Variants in TYW1B observed in about 807,000 individuals in gnomAD.
TYW1B encodes S-adenosyl-L-methionine-dependent tRNA 4-demethylwyosine synthase TYW1B.
A neutral mutation model predicts 86.9 loss-of-function variants in TYW1B; 73 were observed. The observed-to-expected ratio is 0.84, with a 90% CI of 0.70 to 1.02. The LOEUF is 1.02. Among genes scored for constraint, TYW1B ranks in the 50% least tolerant of loss-of-function variants. The pLI is 0.00. For synonymous variants in TYW1B, 248 were observed against 292.8 expected (o/e 0.85, Z 1.56); for missense variants, 637 against 827.4 (o/e 0.77, Z 2.82).
At chr7:72,678,353 G>T (rs572433622) in intron 11 of TYW1B, among the ~76,000 whole-genome samples, 26 of 152,170 alleles carry the variant, frequency 1.7e-4, no homozygotes, top group Admixed American at 1.0e-3. Context: ...TTTGAGTGGA[G>T]TCCTGAAGGA....
chr7:72,600,909 C>A (rs1811650372), intron 13 of TYW1B, among the ~76,000 whole-genome samples: 1 of 151,900 alleles, frequency 6.6e-6, no homozygotes, highest in Non-Finnish European at 1.5e-5. Context: ...GTAATCCCAG[C>A]ACTTTGGAGG....
chr7:72,575,805 T>C (rs1811009531), intron 13 of TYW1B, 86 bp from the exon 14 acceptor site: 1 of 1,553,198 alleles, frequency 6.4e-7, no homozygotes, highest in African/African-American at 1.4e-5. Flanking sequence ...TGAACAAGTC[T>C]GATCTTTTCT....
At chr7:72,702,769 T>TGCAA (rs1172799216) in intron 10 of TYW1B, among the ~76,000 whole-genome samples, 1 of 152,092 alleles carries the variant, frequency 6.6e-6, no homozygotes, top group East Asian at 1.9e-4. Flanking sequence ...CTTGCTGAGA[T>TGCAA]GCAACCATTT....
intron 13 of TYW1B, among the ~76,000 whole-genome samples, chr7:72,613,320 A>G (rs1229050596): frequency 6.6e-6 from 1 of 151,972 alleles, no homozygotes; most frequent in African/African-American, 2.4e-5. Context: ...GCAAAGAAGA[A>G]TATCTGACAG....
intron 6 of TYW1B, among the ~76,000 whole-genome samples, chr7:72,794,058 C>T (rs1788265446): frequency 6.6e-6 from 1 of 152,206 alleles, no homozygotes; most frequent in Admixed American, 6.5e-5. Context: ...CAGCTACTTG[C>T]ATTAGCAAGT....
In TYW1B at chr7:72,731,555, C is replaced by T. The variant is rs1305883391; in HGVS notation, c.1083-2624G>A. Among the ~76,000 whole-genome samples, 4 of 151,988 alleles carry T rather than the reference C, an allele frequency of 2.6e-5. No homozygotes were observed. In the East Asian group the frequency reaches 7.7e-4, roughly 29 times the overall value. On this transcript the variant is annotated intron_variant, in intron 8 of 13. Coordinates refer to ENST00000620995, the MANE Select transcript of TYW1B (RefSeq NM_001145440.3). ...GCTGAATGAATTTAAAAAAAAACACCCAACTATTTGTTGCCTACAAGAAAC... is the reference window on the plus strand; with the variant it reads ...GCTGAATGAATTTAAAAAAAAACACTCAACTATTTGTTGCCTACAAGAAAC...
At chr7:72,700,699 C>T (rs1177612464) in intron 10 of TYW1B, among the ~76,000 whole-genome samples, 1 of 152,078 alleles carries the variant, frequency 6.6e-6, no homozygotes, top group Non-Finnish European at 1.5e-5. Context: ...CCTGAAGGTG[C>T]CCCATGGGTC....
chr7:72,737,023 G>A (rs782818519), intron 8 of TYW1B, among the ~76,000 whole-genome samples: 15 of 152,190 alleles, frequency 9.9e-5, no homozygotes, highest in South Asian at 2.1e-4. Context: ...GCGAGACTCC[G>A]TCTCAAAAGA....
At chr7:72,759,140 G>A (rs782239956) in intron 7 of TYW1B, among the ~76,000 whole-genome samples, 3 of 152,146 alleles carry the variant, frequency 2.0e-5, no homozygotes, top group Non-Finnish European at 4.4e-5. Context: ...AGACCAGCCT[G>A]AGCAACATGG....
intron 13 of TYW1B, 112 bp downstream of exon 13, chr7:72,616,560 A>G (rs1479242760): frequency 8.5e-6 from 13 of 1,524,270 alleles, no homozygotes; most frequent in African/African-American, 1.4e-5. Flanking sequence ...TGGGAAAGGT[A>G]GCAAGCACGC....
At chr7:72,765,471 G>C (rs1304502521) in intron 7 of TYW1B, among the ~76,000 whole-genome samples, 2 of 151,986 alleles carry the variant, frequency 1.3e-5, no homozygotes, top group African/African-American at 4.8e-5. Flanking sequence ...GCTGAAACTA[G>C]ATAATTTTTT....
intron 8 of TYW1B, among the ~76,000 whole-genome samples, chr7:72,734,133 C>A (rs1258198772): frequency 4.6e-5 from 7 of 152,146 alleles, no homozygotes; most frequent in Non-Finnish European, 7.4e-5. Context: ...TGGCAGGCAC[C>A]TGTAATCCCT....
intron 6 of TYW1B, among the ~76,000 whole-genome samples, chr7:72,800,498 G>A (rs1446810296): frequency 6.6e-6 from 1 of 152,142 alleles, no homozygotes; most frequent in Non-Finnish European, 1.5e-5. Context: ...ACCGCACTCA[G>A]CCAACATAAT....
At chr7:72,648,236 G>A (rs1157709266) in intron 11 of TYW1B, among the ~76,000 whole-genome samples, 1 of 152,078 alleles carries the variant, frequency 6.6e-6, no homozygotes, top group East Asian at 1.9e-4. Context: ...ATCCATTACA[G>A]TAGATACTTA....
At chr7:72,789,413 G>C (rs1788182230) in intron 6 of TYW1B, among the ~76,000 whole-genome samples, 1 of 152,172 alleles carries the variant, frequency 6.6e-6, no homozygotes, top group Non-Finnish European at 1.5e-5. Flanking sequence ...TGGGATGATA[G>C]GCATGAGCCA....
At chr7:72,577,332 A>G (rs1811045821) in intron 13 of TYW1B, among the ~76,000 whole-genome samples, 1 of 152,202 alleles carries the variant, frequency 6.6e-6, no homozygotes, top group Non-Finnish European at 1.5e-5. Flanking sequence ...GGAAAAGTTT[A>G]ATTACTCTAT....
chr7:72,790,390 A>G (rs1323944126), intron 6 of TYW1B, among the ~76,000 whole-genome samples: 7 of 152,142 alleles, frequency 4.6e-5, no homozygotes, highest in African/African-American at 1.7e-4. Context: ...ACTGAGCCCT[A>G]CCACAGAGGC....
Position 72,743,165 on chromosome 7 carries a change from A to G in TYW1B, c.1082+1319T>C, listed in dbSNP as rs540280181. Among the ~76,000 whole-genome samples the G allele has an allele frequency of 3.8e-3, 574 of 152,356 alleles. 1 individual carries two copies. Among genetic ancestry groups the G allele is most frequent in the African/African-American group, 0.013 (561 of 41,590 alleles). On this transcript the variant is annotated intron_variant, in intron 8 of 13. Transcript: ENST00000620995. ...CAGAAAAGAGACTGAGACTGGAGAT[A>G]AAGTATTTAAAGGTGTCAAACTACA... is the stretch of plus-strand genomic sequence containing the variant.
chr7:72,659,761 A>G (rs781794261), intron 11 of TYW1B, among the ~76,000 whole-genome samples: 4 of 152,276 alleles, frequency 2.6e-5, no homozygotes, highest in South Asian at 4.1e-4. Context: ...GAAAAAAACA[A>G]TGAGAGCAAA....
Sources: gnomAD v4.1 joint callset for allele counts (sites outside exome capture counted in the v4.1 genomes callset) on GRCh38, gnomAD v4.1.1 for gene constraint, MANE v1.5 for transcripts, NCBI Gene and HGNC (gene_info 2026-07-23, HGNC 2026-07-21) for gene names.